CACNA2D1: variants seen among roughly 807,000 people sequenced by gnomAD.
CACNA2D1 encodes calcium voltage-gated channel auxiliary subunit alpha2delta 1.
In CACNA2D1, 53 loss-of-function variants were observed where a neutral mutation model predicts 171.5. That is an observed-to-expected ratio of 0.31 (90% CI 0.25 to 0.39). The LOEUF is 0.39. Ranked by LOEUF, CACNA2D1 falls within the 10% of genes least tolerant of loss-of-function variation. The pLI is 1.00. For missense variants in CACNA2D1, 903 were observed against 1,299.8 expected (o/e 0.69, Z 4.69); for synonymous variants, 442 against 443.1 (o/e 1.00, Z 0.03).
chr7:82,050,543 C>T, intron 10 of CACNA2D1: 1 of 702,304 alleles, frequency 1.4e-6, no homozygotes, highest in South Asian at 1.5e-5. Context: ...ATGGCCCACA[C>T]TCATCCTCCC....
chr7:82,299,536 C>T (rs113314287), intron 3 of CACNA2D1, among the ~76,000 whole-genome samples: 3,806 of 151,968 alleles, frequency 0.025, 153 homozygotes, highest in African/African-American at 0.088. Flanking sequence ...TGGTAGGCAC[C>T]TGTAGTCCCA....
At chr7:82,282,533 A>G (rs1254097735) in intron 3 of CACNA2D1, among the ~76,000 whole-genome samples, 1 of 152,152 alleles carries the variant, frequency 6.6e-6, no homozygotes. Flanking sequence ...GATTTGTGAG[A>G]AAAACTCTTA....
intron 1 of CACNA2D1, among the ~76,000 whole-genome samples, chr7:82,433,324 T>A (rs1007008847): frequency 1.3e-5 from 2 of 152,170 alleles, no homozygotes; most frequent in Admixed American, 6.5e-5. Context: ...GGTAATATAG[T>A]GGCAAACTGG....
chr7:82,262,626 C>T (rs1470337781), intron 3 of CACNA2D1, among the ~76,000 whole-genome samples: 1 of 152,096 alleles, frequency 6.6e-6, no homozygotes, highest in Non-Finnish European at 1.5e-5. Context: ...CCTTGGCATG[C>T]TGAGTATTTT....
At chr7:82,067,215 T>A (rs1173116965) in intron 7 of CACNA2D1, among the ~76,000 whole-genome samples, 2 of 152,210 alleles carry the variant, frequency 1.3e-5, no homozygotes, top group Non-Finnish European at 2.9e-5. Context: ...TTACTTTAAT[T>A]AAAATGCTTT....
At chr7:82,413,025 T>C (rs1585873285) in intron 1 of CACNA2D1, among the ~76,000 whole-genome samples, 1 of 152,276 alleles carries the variant, frequency 6.6e-6, no homozygotes, top group East Asian at 1.9e-4. Flanking sequence ...ACTGTAATAA[T>C]TTAATCTTAA....
chr7:82,415,807 T>C (rs1043170938), intron 1 of CACNA2D1, among the ~76,000 whole-genome samples: 4 of 152,134 alleles, frequency 2.6e-5, no homozygotes, highest in Non-Finnish European at 5.9e-5. Context: ...AAAAGCAAGA[T>C]GGATGAATCA....
chr7:82,331,959 G>T (rs950379582), intron 3 of CACNA2D1, among the ~76,000 whole-genome samples: 1 of 151,980 alleles, frequency 6.6e-6, no homozygotes, highest in Non-Finnish European at 1.5e-5. Flanking sequence ...ATAAAAAAGG[G>T]TATTCTCTCT....
At chr7:82,235,233 T>C (rs1428500888) in intron 3 of CACNA2D1, among the ~76,000 whole-genome samples, 1 of 152,184 alleles carries the variant, frequency 6.6e-6, no homozygotes, top group East Asian at 1.9e-4. Context: ...CTCTGGTACA[T>C]TCGGCAAAAT....
At chr7:82,357,048 G>GA (rs1331039978) in intron 1 of CACNA2D1, among the ~76,000 whole-genome samples, 1 of 151,862 alleles carries the variant, frequency 6.6e-6, no homozygotes. Flanking sequence ...TTGAATAATT[G>GA]AAAAAAATCT....
At chr7:82,440,726 G>C (rs983271653) in intron 1 of CACNA2D1, among the ~76,000 whole-genome samples, 1 of 151,660 alleles carries the variant, frequency 6.6e-6, no homozygotes, top group Non-Finnish European at 1.5e-5. Flanking sequence ...TTAAACAGGA[G>C]AGCAAAAAAT....
intron 1 of CACNA2D1, among the ~76,000 whole-genome samples, chr7:82,421,565 G>A (rs775888144): frequency 1.6e-4 from 24 of 152,150 alleles, no homozygotes; most frequent in Non-Finnish European, 2.6e-4. Context: ...AAGGAAGAGC[G>A]TTTGGGCACT....
At chr7:82,299,930 A>G (rs1410350676) in intron 3 of CACNA2D1, among the ~76,000 whole-genome samples, 1 of 152,224 alleles carries the variant, frequency 6.6e-6, no homozygotes, top group Non-Finnish European at 1.5e-5. Flanking sequence ...GAACGATGTT[A>G]GGCCCAACAG....
At chr7:82,343,038 G>A (rs774741971) in intron 2 of CACNA2D1, 4 of 152,022 alleles carry the variant, frequency 2.6e-5, no homozygotes, top group Non-Finnish European at 5.9e-5. Flanking sequence ...ACACACACAT[G>A]CAATTATATA....
chr7:82,210,505 T>A (rs2129224007), intron 3 of CACNA2D1, among the ~76,000 whole-genome samples: 1 of 152,286 alleles, frequency 6.6e-6, no homozygotes, highest in East Asian at 1.9e-4. Flanking sequence ...AGGGGTCATA[T>A]GAGCTGGGAC....
At chr7:82,326,380 C>T (rs1816650694) in intron 3 of CACNA2D1, among the ~76,000 whole-genome samples, 1 of 152,144 alleles carries the variant, frequency 6.6e-6, no homozygotes, top group East Asian at 1.9e-4. Flanking sequence ...TAAGTGAGAA[C>T]TTACTGTATA....
At chr7:82,310,103 AAAAACTAGG>A (rs1360704488) in intron 3 of CACNA2D1, among the ~76,000 whole-genome samples, 1 of 152,122 alleles carries the variant, frequency 6.6e-6, no homozygotes, top group Non-Finnish European at 1.5e-5. Context: ...TCTGTCAATT[AAAAACTAGG>A]AAAACATATC....
chr7:82,327,497 T>C (rs1217571589), intron 3 of CACNA2D1, among the ~76,000 whole-genome samples: 1 of 152,226 alleles, frequency 6.6e-6, no homozygotes, highest in Non-Finnish European at 1.5e-5. Flanking sequence ...TATATAAAAG[T>C]GTTACTGCTA....
intron 3 of CACNA2D1, among the ~76,000 whole-genome samples, chr7:82,324,815 G>C (rs2129441557): frequency 6.6e-6 from 1 of 152,230 alleles, no homozygotes; most frequent in East Asian, 1.9e-4. Flanking sequence ...GAAGAAAATA[G>C]AGCGTTTTTA....
Sources: gnomAD v4.1 joint callset for allele counts (sites outside exome capture counted in the v4.1 genomes callset) on GRCh38, gnomAD v4.1.1 for gene constraint, MANE v1.5 for transcripts, NCBI Gene and HGNC (gene_info 2026-07-23, HGNC 2026-07-21) for gene names.